Variants in GRM4 observed in about 807,000 individuals in gnomAD.
The protein encoded by GRM4 is glutamate metabotropic receptor 4, also known as metabotropic glutamate receptor 4.
GRM4 carries 28 observed loss-of-function variants against 81.7 expected under a neutral mutation model. The observed-to-expected ratio is 0.34, with a 90% CI of 0.25 to 0.47. GRM4 has a LOEUF of 0.47. Ranked by LOEUF, GRM4 falls within the 20% of genes least tolerant of loss-of-function variation. The pLI, the probability that GRM4 is intolerant of heterozygous loss-of-function variation, is 1.00. For missense variants in GRM4, 948 were observed against 1,290.0 expected (o/e 0.73, Z 4.06); for synonymous variants, 488 against 528.8 (o/e 0.92, Z 1.06).
intron 2 of GRM4, chr6:34,103,629 G>C: frequency 6.5e-7 from 1 of 1,535,510 alleles, no homozygotes; most frequent in Middle Eastern, 1.7e-4. Context: ...ACAGTGATCT[G>C]TGGGGGAGGC....
chr6:34,124,176 C>T (rs1371959288), intron 2 of GRM4, among the ~76,000 whole-genome samples: 5 of 152,170 alleles, frequency 3.3e-5, no homozygotes, highest in Admixed American at 6.5e-5. Flanking sequence ...CCCTGATCCC[C>T]GGACTGTCTC....
At chr6:34,153,925 CAAAA>C (rs3041982) in intron 1 of GRM4, among the ~76,000 whole-genome samples, 2 of 129,500 alleles carry the variant, frequency 1.5e-5, no homozygotes, top group Admixed American at 7.8e-5. Flanking sequence ...GACTCTGTCT[CAAAA>C]AAAAAAAAAA....
At chr6:34,113,631 G>A (rs1769475437) in intron 2 of GRM4, among the ~76,000 whole-genome samples, 1 of 152,164 alleles carries the variant, frequency 6.6e-6, no homozygotes, top group Non-Finnish European at 1.5e-5. Flanking sequence ...GAACTGCCCA[G>A]CCCTCTGGAA....
intron 3 of GRM4, among the ~76,000 whole-genome samples, chr6:34,079,782 C>T (rs1335358291): frequency 6.6e-6 from 1 of 152,176 alleles, no homozygotes; most frequent in Non-Finnish European, 1.5e-5. Flanking sequence ...GGCTGGTGGG[C>T]CCAGACTTCA....
intron 3 of GRM4, among the ~76,000 whole-genome samples, chr6:34,091,008 G>GC (rs1051086241): frequency 6.6e-6 from 1 of 151,956 alleles, no homozygotes; most frequent in Admixed American, 6.5e-5. Context: ...CCATCCTTCA[G>GC]CCCCACAGCC....
At chr6:34,101,680 GT>G (rs958294059) in intron 2 of GRM4, among the ~76,000 whole-genome samples, 13 of 152,230 alleles carry the variant, frequency 8.5e-5, no homozygotes, top group African/African-American at 2.9e-4. Flanking sequence ...TGGCCCACTC[GT>G]CTCCAACACA....
At chr6:34,025,050 G>C (rs572417014) in intron 10 of GRM4, among the ~76,000 whole-genome samples, 2 of 152,158 alleles carry the variant, frequency 1.3e-5, no homozygotes, top group African/African-American at 4.8e-5. Context: ...CCCTGAGGGC[G>C]GGAGCCGAGA....
rs10635207 is a variant in GRM4, at chr6:34,136,563, GACACACACACACACACACACAC to G, written c.-363-2726_-363-2705del. Among the ~76,000 whole-genome samples the G allele has an allele frequency of 3.5e-5, 5 of 142,430 alleles. No homozygotes were observed. Among genetic ancestry groups the G allele is most frequent in the African/African-American group, 8.2e-5 (3 of 36,746 alleles). 93.4% of individuals were successfully genotyped at this position (142,430 alleles called of 152,430 possible). A position where few individuals can be genotyped will look rare whatever the true frequency, so the allele number is the denominator to read the frequency against. ...GCTGAGCAGTGCATGCGCGCGTGCG[GACACACACACACACACACACAC>G]ACACACACACACACACACACGGGGA... On this transcript the variant is annotated intron_variant, in intron 1 of 10. Transcript: ENST00000538487. This position sits in a 1 kb window ranked among gnomAD's most constrained non-coding sequence, Gnocchi z 4.1.
In GRM4 at chr6:34,040,158, C is replaced by A. The variant is rs759261809; in HGVS notation, c.1506+20G>T. On this transcript the variant is annotated intron_variant, in intron 8 of 10. Transcript: ENST00000538487. ...AACTGCGTGAGTCACTCTCCACCCA[C>A]TCCCTGCCCTCCCACTTACTCTAAG... 6.2e-6 allele frequency: 10 copies of A among 1,612,090 alleles called. No individual in the cohort carries two copies. Among genetic ancestry groups the A allele is most frequent in the African/African-American group, 1.3e-5 (1 of 74,914 alleles).
intron 9 of GRM4, among the ~76,000 whole-genome samples, chr6:34,028,891 C>G (rs949238099): frequency 2.0e-5 from 3 of 152,152 alleles, no homozygotes; most frequent in Non-Finnish European, 4.4e-5. Context: ...TGACTGCCCC[C>G]GCAACGGTCC....
chr6:34,105,314 A>G (rs1333964145), intron 2 of GRM4, among the ~76,000 whole-genome samples: 1 of 151,786 alleles, frequency 6.6e-6, no homozygotes, highest in African/African-American at 2.4e-5. Flanking sequence ...CTGGGAGGGG[A>G]GTCAAAAACC....
In GRM4 at chr6:34,080,046, C is replaced by T. The variant is rs1257002922; in HGVS notation, c.736+11837G>A. Among the ~76,000 whole-genome samples the T allele has an allele frequency of 6.6e-6, 1 of 152,236 alleles. No individual in the cohort carries two copies. Among genetic ancestry groups the T allele is most frequent in the Non-Finnish European group, 1.5e-5 (1 of 68,030 alleles). On this transcript the variant is annotated intron_variant, in intron 3 of 10. Transcript: ENST00000538487. The surrounding 1 kb of genome is among the most constrained non-coding windows in gnomAD (Gnocchi z 5.4). ...TTTGCCCTCCTCCGGCCGTATGTCT[C>T]CCTGCCTCACTCATTCTGCCCCTGC...
At chr6:34,141,407 A>G (rs1770686631) in intron 1 of GRM4, among the ~76,000 whole-genome samples, 1 of 152,138 alleles carries the variant, frequency 6.6e-6, no homozygotes, top group African/African-American at 2.4e-5. Context: ...TTTCCCAATT[A>G]CCACAGATAA....
At chr6:34,087,586 G>A (rs868273721) in intron 3 of GRM4, among the ~76,000 whole-genome samples, 7 of 151,962 alleles carry the variant, frequency 4.6e-5, no homozygotes, top group Admixed American at 1.3e-4. Context: ...AGAGGAGCCC[G>A]GGAGGGAAGG....
intron 10 of GRM4, among the ~76,000 whole-genome samples, chr6:34,027,102 G>A (rs1229091670): frequency 1.3e-5 from 2 of 152,290 alleles, no homozygotes; most frequent in South Asian, 2.1e-4. Flanking sequence ...CATGGCACCC[G>A]AAGGGAACCC....
rs1768100110 is a variant in GRM4 at position 34,089,706 on chromosome 6, AG to A, written c.736+2176del. 6.6e-6 allele frequency among the ~76,000 whole-genome samples: 1 copy of A among 152,204 alleles called. No individual in the cohort carries two copies. The highest frequency in any genetic ancestry group is 2.4e-5 in the African/African-American group (1 of 41,452). ...GAAGTCCTTTTAAAAAATCTTGAGT[AG>A]ACTTTATTTTTTCTAACCGCCCAAT... On this transcript the variant is annotated intron_variant, in intron 3 of 10. Coordinates refer to ENST00000538487, the MANE Select transcript of GRM4 (RefSeq NM_000841.4). The surrounding 1 kb of genome is among the most constrained non-coding windows in gnomAD (Gnocchi z 4.3).
At chr6:34,143,276 G>T (rs1417188455) in intron 1 of GRM4, among the ~76,000 whole-genome samples, 1 of 152,112 alleles carries the variant, frequency 6.6e-6, no homozygotes, top group Non-Finnish European at 1.5e-5. Context: ...CAGAGGCTTG[G>T]AGGCACCATC....
chr6:34,032,073 ACACT>A (rs1363064646), intron 9 of GRM4, among the ~76,000 whole-genome samples: 5 of 152,042 alleles, frequency 3.3e-5, no homozygotes, highest in East Asian at 1.9e-4. Context: ...CCACCTGCAC[ACACT>A]CACTAACATT....
Position 34,028,188 on chromosome 6 carries a change from G to A in GRM4, c.2621C>T (p.Thr874Met), listed in dbSNP as rs146041340. The A allele has an allele frequency of 9.3e-6, 15 of 1,613,908 alleles. No homozygotes were observed. Among genetic ancestry groups the A allele is most frequent in the South Asian group, 6.6e-5 (6 of 91,096 alleles). Residue 874 changes from threonine to methionine, a missense_variant, in exon 10 of 11, where the codon ACG (threonine) becomes ATG (methionine). Physicochemically the swap from Thr to Met is moderately conservative, Grantham distance 81 (BLOSUM62 -1). Transcript: ENST00000538487. Reference sequence around the variant, plus strand: ...GTTGGGCCGGAAGTTGCCCTTCTGCGTGAACTTGTTGGACATGGTGGCCGC... The same window carrying A: ...GTTGGGCCGGAAGTTGCCCTTCTGCATGAACTTGTTGGACATGGTGGCCGC... ...VTAATMSNKFTQKGNFRPNGE... is the reference protein window; with the variant it reads ...VTAATMSNKFMQKGNFRPNGE...
Sources: gnomAD v4.1 joint callset for allele counts (sites outside exome capture counted in the v4.1 genomes callset) on GRCh38, gnomAD v4.1.1 for gene constraint, Gnocchi (gnomAD v3.1) non-coding constraint, MANE v1.5 for transcripts, NCBI Gene and HGNC (gene_info 2026-07-23, HGNC 2026-07-21) for gene names.